Variants in RBM47 observed in about 807,000 individuals in gnomAD.
RBM47 encodes the protein RNA binding motif protein 47, also known as RNA-binding protein 47.
In RBM47, 21 loss-of-function variants were observed where a neutral mutation model predicts 47.1. That is an observed-to-expected ratio of 0.45 (90% CI 0.32 to 0.64). The LOEUF is 0.64. Ranked by LOEUF, RBM47 falls within the 30% of genes least tolerant of loss-of-function variation. RBM47 has a pLI of 0.05. For missense variants in RBM47, 708 were observed against 870.9 expected, an observed-to-expected ratio of 0.81 and a Z score of 2.35; for synonymous variants, 375 against 361.7, an observed-to-expected ratio of 1.04 and a Z score of -0.42.
At chr4:40,629,041 T>A (rs1737992696) in intron 1 of RBM47, among the ~76,000 whole-genome samples, 1 of 152,132 alleles carries the variant, frequency 6.6e-6, no homozygotes, top group Admixed American at 6.5e-5. Context: ...TTCCTCAGTC[T>A]CACTGTAATA....
At chr4:40,617,122 C>T (rs1736826703) in intron 1 of RBM47, among the ~76,000 whole-genome samples, 1 of 151,840 alleles carries the variant, frequency 6.6e-6, no homozygotes, top group Admixed American at 6.6e-5. Context: ...GTGATCCACC[C>T]GCCTCGGCCT....
At chr4:40,532,199 A>C (rs1727458322) in intron 2 of RBM47, among the ~76,000 whole-genome samples, 1 of 149,216 alleles carries the variant, frequency 6.7e-6, no homozygotes, top group Non-Finnish European at 1.5e-5. Flanking sequence ...TTTAGTAGAG[A>C]CGGGGTTTCA....
At chr4:40,586,647 G>A (rs1189173270) in intron 1 of RBM47, among the ~76,000 whole-genome samples, 1 of 150,628 alleles carries the variant, frequency 6.6e-6, no homozygotes, top group Non-Finnish European at 1.5e-5. Context: ...GTGAGAATGG[G>A]ACTCCTGAGA....
In RBM47 at chr4:40,589,786, T is replaced by C. The variant is rs945693444; in HGVS notation, c.-240+39610A>G. On this transcript the variant is annotated intron_variant, in intron 1 of 6. Transcript: ENST00000295971. ...TGAATTGTACAACATATGAATAATATCTTAATAAAGCTGTTTTTAATTCTG... is the reference window on the plus strand; with the variant it reads ...TGAATTGTACAACATATGAATAATACCTTAATAAAGCTGTTTTTAATTCTG... Among the ~76,000 whole-genome samples the C allele has an allele frequency of 2.0e-5, 3 of 152,270 alleles. No homozygotes were observed. In the South Asian group the frequency reaches 6.2e-4, roughly 32 times the overall value.
intron 1 of RBM47, among the ~76,000 whole-genome samples, chr4:40,589,418 ATTTAC>A (rs1473701950): frequency 6.6e-6 from 1 of 151,792 alleles, no homozygotes; most frequent in African/African-American, 2.4e-5. Context: ...TTATTTATTT[ATTTAC>A]TTATTTTTTA....
At chr4:40,520,372 C>A (rs933226374) in intron 2 of RBM47, among the ~76,000 whole-genome samples, 4 of 152,136 alleles carry the variant, frequency 2.6e-5, no homozygotes, top group Non-Finnish European at 5.9e-5. Flanking sequence ...TGCAGGTATA[C>A]CCCTAGAATT....
chr4:40,444,277 C>G (rs771197315), intron 3 of RBM47, among the ~76,000 whole-genome samples: 1 of 152,066 alleles, frequency 6.6e-6, no homozygotes, highest in South Asian at 2.1e-4. Context: ...CTAACATGAC[C>G]CTTCTCTCAA....
rs192952869 is a variant in RBM47, at chr4:40,575,659, G to A, written c.-239-31153C>T. Among the ~76,000 whole-genome samples the A allele has an allele frequency of 2.5e-4, 38 of 151,828 alleles. No homozygotes were observed. In the East Asian group the frequency reaches 5.0e-3, roughly 20 times the overall value. The stretch of plus-strand genomic sequence containing the variant: ...CTTAATGGTTTTGTCCTTAATCCCC[G>A]TTGGACCACTTTGATAAGGGCTACT... On this transcript the variant is annotated intron_variant, in intron 1 of 6. Coordinates refer to ENST00000295971, the MANE Select transcript of RBM47 (RefSeq NM_001098634.2).
intron 1 of RBM47, among the ~76,000 whole-genome samples, chr4:40,569,656 G>A (rs867650495): frequency 2.6e-4 from 40 of 151,506 alleles, no homozygotes; most frequent in Middle Eastern, 3.4e-3. Context: ...TGATCCGCCC[G>A]CCTTGGCCTC....
chr4:40,531,865 C>A (rs1240394523), intron 2 of RBM47, among the ~76,000 whole-genome samples: 1 of 151,810 alleles, frequency 6.6e-6, no homozygotes, highest in South Asian at 2.1e-4. Flanking sequence ...GAGGAAAGGC[C>A]GTGAAAGATA....
At chr4:40,526,554 T>C (rs1352765228) in intron 2 of RBM47, among the ~76,000 whole-genome samples, 2 of 152,006 alleles carry the variant, frequency 1.3e-5, no homozygotes, top group Non-Finnish European at 2.9e-5. Context: ...TTTGTTTCTT[T>C]TTGTTTTTTG....
intron 2 of RBM47, among the ~76,000 whole-genome samples, chr4:40,493,857 T>G (rs955755254): frequency 3.3e-5 from 5 of 150,966 alleles, no homozygotes; most frequent in Admixed American, 2.6e-4. Flanking sequence ...GAGAGTTGCT[T>G]GAACCCGGGA....
chr4:40,601,346 T>G (rs1030185080), intron 1 of RBM47, among the ~76,000 whole-genome samples: 2 of 152,212 alleles, frequency 1.3e-5, no homozygotes, highest in Non-Finnish European at 2.9e-5. Context: ...AGATCATGAC[T>G]ATCGCTAATG....
intron 1 of RBM47, among the ~76,000 whole-genome samples, chr4:40,563,191 A>T (rs1553902010): frequency 3.9e-5 from 6 of 152,168 alleles, no homozygotes; most frequent in Non-Finnish European, 8.8e-5. Context: ...ACTCCATCTC[A>T]AAATAAATAA....
At chr4:40,518,931 A>T (rs1401404810) in intron 2 of RBM47, among the ~76,000 whole-genome samples, 1 of 152,106 alleles carries the variant, frequency 6.6e-6, no homozygotes, top group Admixed American at 6.6e-5. Context: ...GTGGTGGCTC[A>T]CACCGGTAGT....
At chr4:40,445,039 C>A (rs1714302160) in intron 3 of RBM47, among the ~76,000 whole-genome samples, 1 of 151,850 alleles carries the variant, frequency 6.6e-6, no homozygotes, top group South Asian at 2.1e-4. Context: ...CTTTGGGAGG[C>A]CGAGGAGGGC....
chr4:40,589,193 C>G (rs1233805193), intron 1 of RBM47, among the ~76,000 whole-genome samples: 1 of 151,308 alleles, frequency 6.6e-6, no homozygotes, highest in Non-Finnish European at 1.5e-5. Context: ...GTCTCGAACT[C>G]CTGACCTCAA....
chr4:40,590,373 C>G (rs1234054410), intron 1 of RBM47, among the ~76,000 whole-genome samples: 1 of 151,656 alleles, frequency 6.6e-6, no homozygotes, highest in East Asian at 1.9e-4. Context: ...CCAGCCTGGG[C>G]AACAGACTCT....
intron 2 of RBM47, among the ~76,000 whole-genome samples, chr4:40,529,261 CTT>C (rs1727110668): frequency 6.6e-6 from 1 of 151,554 alleles, no homozygotes; most frequent in African/African-American, 2.4e-5. Flanking sequence ...AATCCCAACA[CTT>C]TGGGGAGGCC....
Sources: allele counts gnomAD v4.1 joint callset (sites outside exome capture counted in the v4.1 genomes callset), GRCh38; gene constraint gnomAD v4.1.1; transcripts MANE v1.5; gene names NCBI Gene and HGNC (gene_info 2026-07-23, HGNC 2026-07-21).